Variants in ROBO1 observed in about 807,000 individuals in gnomAD.
ROBO1 encodes the protein roundabout homolog 1.
Under a neutral mutation model 195.9 loss-of-function variants are expected in ROBO1, and 149 were observed. That is an observed-to-expected ratio of 0.76 (90% CI 0.67 to 0.87). The LOEUF (loss-of-function observed/expected upper bound fraction) is 0.87, where lower values mean the gene tolerates loss of function less well. Ranked by LOEUF, ROBO1 falls within the 40% of genes least tolerant of loss-of-function variation. ROBO1 has a pLI of 0.00. For missense variants in ROBO1, 1,933 were observed against 2,068.3 expected, an observed-to-expected ratio of 0.93 and a Z score of 1.27; for synonymous variants, 816 against 733.2, an observed-to-expected ratio of 1.11 and a Z score of -1.82.
intron 14 of ROBO1, among the ~76,000 whole-genome samples, chr3:78,662,941 C>T (rs1402412376): frequency 4.6e-5 from 7 of 151,932 alleles, no homozygotes; most frequent in South Asian, 2.1e-4. Flanking sequence ...ATTTCTGAAG[C>T]GGTTTTCTAA....
At chr3:79,695,860 A>G (rs962594144) in intron 1 of ROBO1, among the ~76,000 whole-genome samples, 32 of 151,498 alleles carry the variant, frequency 2.1e-4, no homozygotes, top group African/African-American at 7.7e-4. Flanking sequence ...TTATTTTACA[A>G]TCTAAAACAC....
rs772230262 is a variant in ROBO1, at chr3:78,600,335, AG to A, written c.4745-27del. 4 of 1,426,690 alleles carry A rather than the reference AG, an allele frequency of 2.8e-6. No individual in the cohort carries two copies. In the East Asian group the frequency reaches 9.1e-5, roughly 32 times the overall value. 88.4% of individuals were successfully genotyped at this position (1,426,690 alleles called of 1,614,324 possible). ...CTGTGTAATGAAATATAATAAATGC[AG>A]GTGAGTACCATCATACACTTTCACT... is the stretch of plus-strand genomic sequence containing the variant. On this transcript the variant is annotated intron_variant, in intron 29 of 30. Transcript: ENST00000464233.
chr3:79,227,657 A>G (rs1391368541), intron 2 of ROBO1, among the ~76,000 whole-genome samples: 1 of 152,124 alleles, frequency 6.6e-6, no homozygotes. Context: ...ACTCAAATTA[A>G]TCTCTCTACC....
At chr3:79,252,183 A>G (rs762384390) in intron 2 of ROBO1, among the ~76,000 whole-genome samples, 3 of 152,164 alleles carry the variant, frequency 2.0e-5, no homozygotes, top group Non-Finnish European at 2.9e-5. Flanking sequence ...TATTAATATT[A>G]AATATACAAC....
chr3:79,590,158 T>A (rs1225172491), intron 1 of ROBO1, among the ~76,000 whole-genome samples, 197 bp from the exon 2 acceptor site: 3 of 151,776 alleles, frequency 2.0e-5, no homozygotes, highest in African/African-American at 7.2e-5. Flanking sequence ...GTGGTATTTA[T>A]TAATTTTGAA....
At chr3:78,869,285 T>C (rs2035391975) in intron 4 of ROBO1, among the ~76,000 whole-genome samples, 1 of 152,184 alleles carries the variant, frequency 6.6e-6, no homozygotes, top group African/African-American at 2.4e-5. Flanking sequence ...ATGGGTTGAC[T>C]CCATTTAAAC....
At chr3:78,776,228 G>A (rs2083500864) in intron 4 of ROBO1, among the ~76,000 whole-genome samples, 1 of 150,192 alleles carries the variant, frequency 6.7e-6, no homozygotes, top group Non-Finnish European at 1.5e-5. Context: ...TCAGACACTT[G>A]TGAAGAAATT....
intron 8 of ROBO1, among the ~76,000 whole-genome samples, chr3:78,709,235 T>C (rs2107999481): frequency 6.6e-6 from 1 of 152,308 alleles, no homozygotes; most frequent in Non-Finnish European, 1.5e-5. Flanking sequence ...CCAAACAGCA[T>C]TGTTTCACTA....
intron 2 of ROBO1, among the ~76,000 whole-genome samples, chr3:79,513,083 A>G (rs1940786080): frequency 6.6e-6 from 1 of 152,136 alleles, no homozygotes; most frequent in African/African-American, 2.4e-5. Flanking sequence ...ATTCTAGGAG[A>G]CGATAGAAAA....
At chr3:79,671,192 C>T (rs1411017942) in intron 1 of ROBO1, among the ~76,000 whole-genome samples, 2 of 151,740 alleles carry the variant, frequency 1.3e-5, no homozygotes, top group East Asian at 1.9e-4. Context: ...TAATTACATA[C>T]ATTATGTTAG....
At chr3:79,020,985 A>T (rs2108272867) in intron 3 of ROBO1, among the ~76,000 whole-genome samples, 1 of 152,278 alleles carries the variant, frequency 6.6e-6, no homozygotes, top group Middle Eastern at 3.4e-3. Flanking sequence ...ATAAAAATTT[A>T]AAAGCAAATT....
intron 2 of ROBO1, among the ~76,000 whole-genome samples, chr3:79,434,824 C>G (rs1482104903): frequency 1.3e-5 from 2 of 152,026 alleles, no homozygotes; most frequent in African/African-American, 4.8e-5. Flanking sequence ...AAATGTCCAT[C>G]AATGATAGAC....
chr3:78,965,689 T>C (rs953030391), intron 3 of ROBO1, among the ~76,000 whole-genome samples: 1 of 152,180 alleles, frequency 6.6e-6, no homozygotes. Context: ...CTCACTTTTA[T>C]AAAGAAAATG....
intron 3 of ROBO1, among the ~76,000 whole-genome samples, chr3:79,012,846 G>A (rs558737341): frequency 6.6e-6 from 1 of 152,244 alleles, no homozygotes; most frequent in South Asian, 2.1e-4. Flanking sequence ...GTACACTACA[G>A]ATCATCTTTT....
At chr3:78,675,687 G>C (rs1708375961) in intron 10 of ROBO1, among the ~76,000 whole-genome samples, 1 of 152,134 alleles carries the variant, frequency 6.6e-6, no homozygotes, top group Non-Finnish European at 1.5e-5. Context: ...GAACTGGGTG[G>C]AGCCCACCAC....
At chr3:78,897,640 A>T (rs201097560) in intron 4 of ROBO1, among the ~76,000 whole-genome samples, 1 of 109,232 alleles carries the variant, frequency 9.2e-6, no homozygotes, top group Non-Finnish European at 2.0e-5. Context: ...TTTATTTATT[A>T]TAGTGCACTA....
chr3:78,958,115 G>A (rs1318707742), intron 3 of ROBO1, among the ~76,000 whole-genome samples: 1 of 152,090 alleles, frequency 6.6e-6, no homozygotes, highest in Admixed American at 6.6e-5. Context: ...AAAAATAAGA[G>A]GATTTTTCTT....
At chr3:78,729,391 A>G (rs539185710) in intron 5 of ROBO1, among the ~76,000 whole-genome samples, 8 of 152,188 alleles carry the variant, frequency 5.3e-5, no homozygotes, top group African/African-American at 9.7e-5. Flanking sequence ...CCTAATTTTA[A>G]TAAGTAATAA....
At chr3:78,788,094 C>T (rs72892501) in intron 4 of ROBO1, among the ~76,000 whole-genome samples, 37,094 of 150,442 alleles carry the variant, frequency 0.25, 4,653 homozygotes, top group Non-Finnish European at 0.27. Context: ...CGCCTGCCAC[C>T]GCGCCCGACT....
Sources: allele counts gnomAD v4.1 joint callset (sites outside exome capture counted in the v4.1 genomes callset), GRCh38; gene constraint gnomAD v4.1.1; transcripts MANE v1.5; gene names NCBI Gene and HGNC (gene_info 2026-07-23, HGNC 2026-07-21).